The following SLC8A1 variants were observed in gnomAD, a reference collection of about 807,000 sequenced individuals.
The protein encoded by SLC8A1 is sodium/calcium exchanger 1.
SLC8A1 carries 18 observed loss-of-function variants against 68.3 expected under a neutral mutation model. That is an observed-to-expected ratio of 0.26 (90% confidence interval 0.18 to 0.39). The LOEUF (loss-of-function observed/expected upper bound fraction) is 0.39, where lower values mean the gene tolerates loss of function less well. SLC8A1 is among the 10% of genes least tolerant of loss of function. SLC8A1 has a pLI of 1.00. For missense variants in SLC8A1, 985 were observed against 1,156.7 expected (o/e 0.85, Z 2.15); for synonymous variants, 475 against 415.5 (o/e 1.14, Z -1.74).
chr2:40,432,353 G>T (rs958111437), intron 1 of SLC8A1, among the ~76,000 whole-genome samples: 1 of 149,688 alleles, frequency 6.7e-6, no homozygotes, highest in African/African-American at 2.5e-5. Context: ...AACTCCTATG[G>T]TACATGTGTG....
intron 1 of SLC8A1, among the ~76,000 whole-genome samples, chr2:40,499,967 G>A (rs1427028586): frequency 6.6e-6 from 1 of 151,904 alleles, no homozygotes; most frequent in African/African-American, 2.4e-5. Flanking sequence ...ATAGAAAGTG[G>A]GAAAAGGCTT....
At chr2:40,184,748 T>G (rs1235303798) in intron 2 of SLC8A1, among the ~76,000 whole-genome samples, 1 of 151,834 alleles carries the variant, frequency 6.6e-6, no homozygotes, top group Non-Finnish European at 1.5e-5. Context: ...AATCCCAGAC[T>G]CCAGAAAGAC....
At chr2:40,463,145 G>A (rs1703443163) in intron 1 of SLC8A1, among the ~76,000 whole-genome samples, 1 of 152,282 alleles carries the variant, frequency 6.6e-6, no homozygotes, top group East Asian at 1.9e-4. Flanking sequence ...AAGAGAGAGA[G>A]CTAACCTTTT....
At chr2:40,302,078 G>T (rs113491651) in intron 2 of SLC8A1, among the ~76,000 whole-genome samples, 1 of 67,148 alleles carries the variant, frequency 1.5e-5, no homozygotes, top group Non-Finnish European at 3.2e-5. Flanking sequence ...TGTGTGTTTA[G>T]TAGAGAAGGG....
intron 2 of SLC8A1, among the ~76,000 whole-genome samples, chr2:40,419,483 T>A (rs1209172447): frequency 6.6e-6 from 1 of 152,026 alleles, no homozygotes; most frequent in Non-Finnish European, 1.5e-5. Context: ...TCTCTCCCCC[T>A]CCTTCTTTCT....
intron 2 of SLC8A1, chr2:40,251,006 G>A (rs1454246568): frequency 6.6e-6 from 1 of 152,134 alleles, no homozygotes; most frequent in Non-Finnish European, 1.5e-5. Flanking sequence ...ACAGTCTACA[G>A]AACTCGGGAG....
At chr2:40,178,255 A>G in intron 2 of SLC8A1, 132 bp downstream of exon 3, 1 of 734,362 alleles carries the variant, frequency 1.4e-6, no homozygotes, top group South Asian at 1.6e-5. Context: ...GTGGCTCAGC[A>G]TGAGATCTGT....
At chr2:40,437,074 A>G (rs1236736931) in intron 1 of SLC8A1, among the ~76,000 whole-genome samples, 1 of 152,198 alleles carries the variant, frequency 6.6e-6, no homozygotes, top group Non-Finnish European at 1.5e-5. Flanking sequence ...TTCGCATTTT[A>G]CAAATGAGAA....
At chr2:40,295,601 G>A (rs2070220260) in intron 2 of SLC8A1, among the ~76,000 whole-genome samples, 2 of 152,074 alleles carry the variant, frequency 1.3e-5, no homozygotes. Context: ...TGTGCCAGAT[G>A]CTAAAAGGGA....
chr2:40,333,721 C>T lies in SLC8A1; in HGVS notation c.1808+94752G>A, dbSNP rs532534996. 6.6e-5 allele frequency among the ~76,000 whole-genome samples: 10 copies of T among 152,044 alleles called. No homozygotes were observed. In the East Asian group the frequency reaches 1.9e-3, roughly 30 times the overall value. On this transcript the variant is annotated intron_variant, in intron 2 of 7. Coordinates refer to ENST00000406785, the Ensembl canonical transcript of SLC8A1. Reference sequence around the variant, plus strand: ...TATTGTAGCATACCATCACTTGTCCCCTATTAGTTTGGAGTCAGTAATCAT... The same window carrying T: ...TATTGTAGCATACCATCACTTGTCCTCTATTAGTTTGGAGTCAGTAATCAT...
At chr2:40,317,288 G>C (rs1302953041) in intron 2 of SLC8A1, among the ~76,000 whole-genome samples, 1 of 152,014 alleles carries the variant, frequency 6.6e-6, no homozygotes, top group Non-Finnish European at 1.5e-5. Flanking sequence ...ATTGATGCAA[G>C]GCAGTGGTAA....
chr2:40,187,857 G>A (rs1391077998), intron 2 of SLC8A1, among the ~76,000 whole-genome samples: 4 of 152,116 alleles, frequency 2.6e-5, no homozygotes, highest in Non-Finnish European at 5.9e-5. Flanking sequence ...GAGTAAGTTT[G>A]CTAAGACAAA....
At chr2:40,218,517 T>C (rs1486444466) in intron 2 of SLC8A1, among the ~76,000 whole-genome samples, 5 of 152,206 alleles carry the variant, frequency 3.3e-5, no homozygotes, top group African/African-American at 1.2e-4. Context: ...TATTTTGCCA[T>C]TACTTTTAAT....
At chr2:40,451,203 GCAGCTGCAAAGTTC>G (rs1243739151) in intron 1 of SLC8A1, among the ~76,000 whole-genome samples, 2 of 152,160 alleles carry the variant, frequency 1.3e-5, no homozygotes, top group Admixed American at 6.5e-5. Flanking sequence ...GGCAGAGAAT[GCAGCTGCAAAGTTC>G]CCTTCCAATC....
chr2:40,492,004 A>T (rs1183693391), intron 1 of SLC8A1, among the ~76,000 whole-genome samples: 1 of 152,184 alleles, frequency 6.6e-6, no homozygotes, highest in Non-Finnish European at 1.5e-5. Context: ...TTTAAAGTTC[A>T]TATGGAACCA....
chr2:40,467,376 C>A (rs187820845), intron 1 of SLC8A1, among the ~76,000 whole-genome samples: 1 of 152,200 alleles, frequency 6.6e-6, no homozygotes, highest in African/African-American at 2.4e-5. Flanking sequence ...TAAAGCACTA[C>A]CCTATAGAGC....
chr2:40,273,811 C>G (rs1056854437), intron 2 of SLC8A1, among the ~76,000 whole-genome samples: 9 of 151,296 alleles, frequency 5.9e-5, no homozygotes, highest in African/African-American at 1.9e-4. Context: ...GGGGCACTTG[C>G]ACAATAAAGA....
intron 2 of SLC8A1, among the ~76,000 whole-genome samples, chr2:40,348,795 T>G (rs1670152226): frequency 6.6e-6 from 1 of 152,158 alleles, no homozygotes; most frequent in African/African-American, 2.4e-5. Context: ...GTATTCAGTC[T>G]GGAGGAAAGA....
intron 7 of SLC8A1, among the ~76,000 whole-genome samples, chr2:40,136,265 G>C (rs2040480355): frequency 6.6e-6 from 1 of 152,166 alleles, no homozygotes; most frequent in South Asian, 2.1e-4. Flanking sequence ...CTAACATTGA[G>C]GGTAAGTGAA....
Sources: allele counts gnomAD v4.1 joint callset (sites outside exome capture counted in the v4.1 genomes callset), GRCh38; gene constraint gnomAD v4.1.1; transcripts MANE v1.5; gene names NCBI Gene and HGNC (gene_info 2026-07-23, HGNC 2026-07-21).